Variants in ADGRF3 observed in about 807,000 individuals in gnomAD.
ADGRF3 encodes the protein G protein-coupled receptor 113.
In ADGRF3, 85 loss-of-function variants were observed where a neutral mutation model predicts 93.2. The observed-to-expected ratio is 0.91, with a 90% CI of 0.77 to 1.09. The LOEUF is 1.09. Among genes scored for constraint, ADGRF3 ranks in the 50% least tolerant of loss-of-function variants. The probability of loss-of-function intolerance (pLI) is 0.00; values close to 1 mark genes in which losing one functional copy is unlikely to be tolerated. For synonymous variants in ADGRF3, 534 were observed against 532.5 expected, an observed-to-expected ratio of 1.00 and a Z score of -0.04; for missense variants, 1,125 against 1,246.2, an observed-to-expected ratio of 0.90 and a Z score of 1.46.
rs551629593 is a variant in ADGRF3 at position 26,346,111 on chromosome 2, G to C, written c.114+10C>G. On this transcript the variant is annotated intron_variant, in intron 1 of 13. Transcript: ENST00000651242. Reference sequence around the variant, plus strand: ...ACGCGTGCGCGGTGGGCGGAGCGCGGCTCTCCTACCTTCTCGGGCAGCCCA... The same window carrying C: ...ACGCGTGCGCGGTGGGCGGAGCGCGCCTCTCCTACCTTCTCGGGCAGCCCA... The C allele has an allele frequency of 2.5e-5, 40 of 1,572,468 alleles. No homozygotes were observed. The highest frequency in any genetic ancestry group is 3.3e-5 in the Non-Finnish European group (38 of 1,161,284).
chr2:26,311,385 G>A lies in ADGRF3; in HGVS notation c.2139C>T (p.Ser713=), dbSNP rs949703601. The A allele has an allele frequency of 9.9e-6, 16 of 1,614,000 alleles. No individual in the cohort carries two copies. In the Middle Eastern group the frequency reaches 1.5e-3, roughly 150 times the overall value. The change falls in exon 10 of 14, where the codon TCC becomes TCT. Residue 713 remains serine (S), a synonymous_variant. Transcript: ENST00000651242. ...CCAGGCACACAAGCAGCGCCAGTAT[G>A]GAAGCTCCCAAGCCCACTTGAGTCA... ...ALLTQVGLGA[S]ILALLVCLGV... is the part of the protein sequence containing the mutation.
intron 1 of ADGRF3, among the ~76,000 whole-genome samples, chr2:26,324,860 A>G (rs925168554): frequency 1.3e-5 from 2 of 152,226 alleles, no homozygotes; most frequent in African/African-American, 4.8e-5. Context: ...TGCTGGGTAG[A>G]ATAGTATTTC....
At position 26,316,272 on chromosome 2, in the gene ADGRF3, C is replaced by A; in HGVS notation, c.499+3G>T. ...TGGTTTCCAAGTTCCCAACCTTCCT[C>A]ACCAGGTGGCAGCAACTGGCAGTAC... On this transcript the variant is annotated splice_donor_region_variant and intron_variant, in intron 4 of 13. Transcript: ENST00000651242. 6.4e-7 allele frequency: 1 copy of A among 1,550,986 alleles called. No homozygotes were observed. The highest frequency in any genetic ancestry group is 2.4e-5 in the East Asian group (1 of 40,922).
At position 26,314,542 on chromosome 2, in the gene ADGRF3, T is replaced by C. The variant is rs748797453; in HGVS notation, c.800A>G (p.Asp267Gly). 1 of 1,614,026 alleles carries C rather than the reference T, an allele frequency of 6.2e-7. No individual in the cohort carries two copies. Among genetic ancestry groups the C allele is most frequent in the South Asian group, 1.1e-5 (1 of 91,086 alleles). ...EVVRVPLKAT[D>G]VARLPYQLSI... Reference sequence around the variant, plus strand: ...CAGCTGGTATGGAAGTCGAGCCACATCTGTCGCCTTCAAGGGCACCCTCAC... The same window carrying C: ...CAGCTGGTATGGAAGTCGAGCCACACCTGTCGCCTTCAAGGGCACCCTCAC... Residue 267 changes from aspartate (D) to glycine (G), a missense_variant, in exon 6 of 14, where the codon GAT (aspartate) becomes GGT (glycine). By Grantham distance (94) the Asp-to-Gly change is moderately conservative (BLOSUM62 -1). Transcript: ENST00000651242.
intron 9 of ADGRF3, among the ~76,000 whole-genome samples, chr2:26,312,534 T>C (rs1168943507): frequency 6.6e-6 from 1 of 152,226 alleles, no homozygotes; most frequent in Non-Finnish European, 1.5e-5. Flanking sequence ...GTAATATCAT[T>C]GCCCTTTGTT....
Position 26,308,841 on chromosome 2 carries a change from A to AT in ADGRF3, c.*244_*245insA. ...GATATCTGTCGATTATTTCTGGAGC[A>AT]AAGGCAGGCTTATTCATTAGGTGCC... is the stretch of plus-strand genomic sequence containing the variant. On this transcript the variant is annotated 3_prime_UTR_variant, in exon 14 of 14. Transcript: ENST00000651242. 2.0e-6 allele frequency: 1 copy of AT among 489,892 alleles called. No homozygotes were observed. The allele number at this position is 489,892 out of a possible 1,614,324, so 30.3% of individuals were successfully genotyped here. A position where few individuals can be genotyped will look rare whatever the true frequency, so the allele number is the denominator to read the frequency against.
At chr2:26,317,814 C>A (rs924986508) in intron 1 of ADGRF3, among the ~76,000 whole-genome samples, 1 of 152,240 alleles carries the variant, frequency 6.6e-6, no homozygotes, top group Non-Finnish European at 1.5e-5. Flanking sequence ...TTGTTTAATT[C>A]CTTCCTGCGT....
intron 1 of ADGRF3, among the ~76,000 whole-genome samples, chr2:26,331,578 T>A (rs1675771428): frequency 6.6e-6 from 1 of 152,018 alleles, no homozygotes; most frequent in Non-Finnish European, 1.5e-5. Context: ...AGTATATGTA[T>A]TCTGAGCTGA....
chr2:26,323,151 A>ATATATCTG (rs771488285), intron 1 of ADGRF3, among the ~76,000 whole-genome samples: 88 of 152,128 alleles, frequency 5.8e-4, no homozygotes, highest in Non-Finnish European at 1.2e-3. Context: ...AAAAAAATCT[A>ATATATCTG]TATATCTGTA....
At chr2:26,319,614 CCTTT>C (rs755136769) in intron 1 of ADGRF3, among the ~76,000 whole-genome samples, 4,274 of 56,554 alleles carry the variant, frequency 0.076, 334 homozygotes, top group East Asian at 0.15. Flanking sequence ...TTCCTTCCTT[CCTTT>C]CTTTCTTTGT....
In ADGRF3 at chr2:26,311,071, A is replaced by G. The variant is rs371725952; in HGVS notation, c.2453T>C (p.Met818Thr). 4 of 1,607,610 alleles carry G rather than the reference A, an allele frequency of 2.5e-6. No homozygotes were observed. Among genetic ancestry groups the G allele is most frequent in the East Asian group, 2.2e-5 (1 of 44,586 alleles). Reference sequence around the variant, plus strand: ...TGGGCACAGGTAGCCCAGGAGCACCATGAGGGGGAGAACTCGGTGCTTTGC... The same window carrying G: ...TGGGCACAGGTAGCCCAGGAGCACCGTGAGGGGGAGAACTCGGTGCTTTGC... ...QLAKHRVLPL[M>T]VLLGYLCPLG... The change falls in exon 10 of 14, where the codon ATG becomes ACG. Residue 818 changes from methionine to threonine, a missense_variant. Transcript: ENST00000651242.
intron 1 of ADGRF3, chr2:26,318,888 T>A: frequency 6.5e-7 from 1 of 1,549,522 alleles, no homozygotes. Context: ...TTTCATTCCA[T>A]GCTTTGTCTC....
intron 1 of ADGRF3, among the ~76,000 whole-genome samples, chr2:26,343,335 A>G (rs1035555377): frequency 4.6e-5 from 7 of 152,236 alleles, no homozygotes; most frequent in Non-Finnish European, 1.0e-4. Flanking sequence ...TTAATCTCAG[A>G]GAAGTTATAT....
In ADGRF3 at chr2:26,316,356, G is replaced by A; in HGVS notation, c.418C>T (p.Gln140Ter). ...CAAGGCTGGTGGTTGTGGAGGCTTT[G>A]ACAAGGAGGGTAATGGAGGCAGATG... Reference protein sequence around the residue: ...TSICLHYPPCQSLHNHQPCGC... With the variant: ...TSICLHYPPC The change falls in exon 4 of 14, where the codon CAA (glutamine) becomes TAA (stop). Residue 140 changes from glutamine (Q) to a stop codon, truncating the protein, a stop_gained. Coordinates refer to ENST00000651242, the MANE Select transcript of ADGRF3 (RefSeq NM_001321971.2). LOFTEE classifies it high-confidence loss of function. The A allele has an allele frequency of 6.4e-7, 1 of 1,551,930 alleles. No individual in the cohort carries two copies. Among genetic ancestry groups the A allele is most frequent in the Non-Finnish European group, 8.7e-7 (1 of 1,147,028 alleles).
intron 1 of ADGRF3, among the ~76,000 whole-genome samples, chr2:26,341,100 C>T (rs922002913): frequency 2.6e-5 from 4 of 152,206 alleles, no homozygotes; most frequent in East Asian, 3.9e-4. Context: ...CTGAGAAGAC[C>T]GGGCAAGGTG....
rs1674565903 is a variant in ADGRF3, at chr2:26,315,480, A to AG, written c.718+41dup. 71 of 1,531,002 alleles carry AG rather than the reference A, an allele frequency of 4.6e-5. 1 individual carries two copies. In the South Asian group the frequency reaches 8.3e-4, roughly 18 times the overall value. The allele number at this position is 1,531,002 out of a possible 1,614,324, so 94.8% of individuals were successfully genotyped here. On this transcript the variant is annotated intron_variant, in intron 5 of 13. Coordinates refer to ENST00000651242, the MANE Select transcript of ADGRF3 (RefSeq NM_001321971.2). ...AGGAAGACGAGGATGAAGGGAAGTA[A>AG]GAGGAAGGAGAAAGGAGGCAAGGAG... is the stretch of plus-strand genomic sequence containing the variant.
intron 6 of ADGRF3, 98 bp downstream of exon 6, chr2:26,314,316 T>A (rs984748563): frequency 2.6e-6 from 3 of 1,139,356 alleles, no homozygotes; most frequent in Non-Finnish European, 3.7e-6. Context: ...CTGGTTGAAC[T>A]GTGGCCTCTG....
intron 1 of ADGRF3, chr2:26,318,084 C>A (rs1433411418): frequency 6.5e-7 from 1 of 1,550,252 alleles, no homozygotes; most frequent in Admixed American, 2.0e-5. Flanking sequence ...TCGGCCAAAG[C>A]TAGAAGATAG....
intron 1 of ADGRF3, chr2:26,345,840 C>A: frequency 2.3e-6 from 1 of 436,740 alleles, no homozygotes; most frequent in African/African-American, 2.0e-5. Flanking sequence ...GAGCAAAGCC[C>A]GCTGGGAAAT....
Sources: allele counts gnomAD v4.1 joint callset (sites outside exome capture counted in the v4.1 genomes callset), GRCh38; gene constraint gnomAD v4.1.1; transcripts MANE v1.5; gene names NCBI Gene and HGNC (gene_info 2026-07-23, HGNC 2026-07-21).